Variants in GREB1L observed in about 807,000 individuals in gnomAD.
GREB1L encodes GREB1-like protein.
GREB1L carries 17 observed loss-of-function variants against 200.8 expected under a neutral mutation model. The observed-to-expected ratio is 0.08, with a 90% confidence interval of 0.06 to 0.13. The LOEUF is 0.13. GREB1L is among the 10% of genes least tolerant of loss of function. The probability of loss-of-function intolerance (pLI) is 1.00; values close to 1 mark genes in which losing one functional copy is unlikely to be tolerated. For synonymous variants in GREB1L, 789 were observed against 893.0 expected (o/e 0.88, Z 2.08); for missense variants, 1,657 against 2,367.7 (o/e 0.70, Z 6.23).
Position 21,508,036 on chromosome 18 carries a change from A to G in GREB1L, c.4369-82A>G, listed in dbSNP as rs1488564095. On this transcript the variant is annotated intron_variant, in intron 25 of 32. Coordinates refer to ENST00000424526, the MANE Select transcript of GREB1L (RefSeq NM_001142966.3). Reference sequence around the variant, plus strand: ...AGTTCATGTTAGTTTCCATCTCTTAATAACAACCTGAAGGAGTGGCCTGGA... The same window carrying G: ...AGTTCATGTTAGTTTCCATCTCTTAGTAACAACCTGAAGGAGTGGCCTGGA... The G allele has an allele frequency of 6.0e-6, 8 of 1,341,756 alleles. No individual in the cohort carries two copies. In the East Asian group the frequency reaches 1.5e-4, roughly 25 times the overall value. 83.1% of individuals were successfully genotyped at this position (1,341,756 alleles called of 1,614,324 possible). A position where few individuals can be genotyped will look rare whatever the true frequency, so the allele number is the denominator to read the frequency against.
At chr18:21,522,428 C>T (rs539590687) in intron 32 of GREB1L, among the ~76,000 whole-genome samples, 5 of 151,662 alleles carry the variant, frequency 3.3e-5, no homozygotes, top group South Asian at 2.1e-4. Flanking sequence ...GAACCGAGAT[C>T]GCACCACTGC....
At chr18:21,415,136 C>T (rs930270588) in intron 7 of GREB1L, among the ~76,000 whole-genome samples, 3 of 152,266 alleles carry the variant, frequency 2.0e-5, no homozygotes, top group East Asian at 3.9e-4. Context: ...GAGAAACCCA[C>T]AGATATCCAA....
intron 6 of GREB1L, 144 bp downstream of exon 6, chr18:21,401,470 T>C: frequency 1.5e-6 from 1 of 656,794 alleles, no homozygotes; most frequent in Non-Finnish European, 2.5e-6. Flanking sequence ...AGCCTTCTGG[T>C]AGGTTATTTG....
intron 23 of GREB1L, among the ~76,000 whole-genome samples, chr18:21,501,564 C>T (rs187117275): frequency 7.9e-5 from 12 of 152,240 alleles, no homozygotes; most frequent in Admixed American, 5.2e-4. Context: ...GACATGAACT[C>T]ATTCTTTTTT....
intron 5 of GREB1L, among the ~76,000 whole-genome samples, chr18:21,397,611 G>C (rs554325011): frequency 6.6e-6 from 1 of 152,096 alleles, no homozygotes; most frequent in Non-Finnish European, 1.5e-5. Flanking sequence ...TGAGGCAGGA[G>C]AATAGCGTGA....
At chr18:21,450,713 C>A in intron 12 of GREB1L, 1 of 210,582 alleles carries the variant, frequency 4.7e-6, no homozygotes. Context: ...TGGTGTTGCT[C>A]ACAGCCCCTG....
intron 30 of GREB1L, 51 bp downstream of exon 30, chr18:21,516,805 G>C: frequency 6.8e-7 from 1 of 1,464,024 alleles, no homozygotes; most frequent in Non-Finnish European, 9.3e-7. Flanking sequence ...CAATGATAAT[G>C]ACTATCTTTG....
intron 17 of GREB1L, among the ~76,000 whole-genome samples, chr18:21,478,277 GT>G (rs2035787818): frequency 6.6e-6 from 1 of 152,138 alleles, no homozygotes; most frequent in African/African-American, 2.4e-5. Flanking sequence ...GGGATTTATA[GT>G]TTTTACTCCA....
intron 6 of GREB1L, among the ~76,000 whole-genome samples, chr18:21,401,625 G>T (rs993693461): frequency 6.6e-6 from 1 of 152,126 alleles, no homozygotes; most frequent in Non-Finnish European, 1.5e-5. Flanking sequence ...AGGACCTCAG[G>T]GTGACAGCTC....
intron 1 of GREB1L, among the ~76,000 whole-genome samples, chr18:21,325,875 G>A (rs1316403639): frequency 6.2e-5 from 9 of 145,852 alleles, no homozygotes; most frequent in Admixed American, 1.4e-4. Flanking sequence ...GTTCACATGC[G>A]CAAAAACATT....
At position 21,268,518 on chromosome 18, in the gene GREB1L, T is replaced by TACAC. The variant is rs1158925252; in HGVS notation, c.-120+26126_-120+26127insCACA. ...ATATATACATATATATATGTATATA[T>TACAC]ATATACACACACACACACACACACA... On this transcript the variant is annotated intron_variant, in intron 1 of 32. Coordinates refer to ENST00000424526, the MANE Select transcript of GREB1L (RefSeq NM_001142966.3). Among the ~76,000 whole-genome samples the TACAC allele has an allele frequency of 1.6e-4, 12 of 77,286 alleles. No homozygotes were observed. In the East Asian group the frequency reaches 2.7e-3, roughly 17 times the overall value. 50.7% of individuals were successfully genotyped at this position (77,286 alleles called of 152,430 possible).
At chr18:21,336,719 C>T (rs994070136) in intron 1 of GREB1L, among the ~76,000 whole-genome samples, 3 of 152,180 alleles carry the variant, frequency 2.0e-5, no homozygotes, top group African/African-American at 7.2e-5. Flanking sequence ...CTGGCATACA[C>T]TAACTTTAGC....
At chr18:21,398,355 T>C (rs2041173954) in intron 5 of GREB1L, among the ~76,000 whole-genome samples, 1 of 152,186 alleles carries the variant, frequency 6.6e-6, no homozygotes, top group Non-Finnish European at 1.5e-5. Context: ...ATGATGTCCT[T>C]AAAGCACCCA....
At chr18:21,322,687 TATAACA>T (rs2038967896) in intron 1 of GREB1L, among the ~76,000 whole-genome samples, 2 of 152,080 alleles carry the variant, frequency 1.3e-5, no homozygotes, top group Non-Finnish European at 2.9e-5. Context: ...CTATGATAAA[TATAACA>T]GTGAACTAAT....
At chr18:21,370,898 T>C (rs1189125920) in intron 2 of GREB1L, among the ~76,000 whole-genome samples, 1 of 151,838 alleles carries the variant, frequency 6.6e-6, no homozygotes, top group African/African-American at 2.4e-5. Flanking sequence ...GCCTGCATGG[T>C]AAAATCCCGT....
At chr18:21,306,077 C>G (rs1042116766) in intron 1 of GREB1L, among the ~76,000 whole-genome samples, 7 of 152,138 alleles carry the variant, frequency 4.6e-5, no homozygotes, top group African/African-American at 1.7e-4. Flanking sequence ...CTAAAATTCT[C>G]ATTGATTTAG....
At chr18:21,444,179 T>C in intron 10 of GREB1L, 45 bp from the exon 11 acceptor site, 1 of 1,405,714 alleles carries the variant, frequency 7.1e-7, no homozygotes, top group South Asian at 1.3e-5. Context: ...GGTTGGACCA[T>C]AAAAAGAAAT....
intron 1 of GREB1L, among the ~76,000 whole-genome samples, chr18:21,264,554 TACA>T (rs1347286958): frequency 4.6e-5 from 7 of 152,162 alleles, no homozygotes; most frequent in Middle Eastern, 3.2e-3. Context: ...AGTTAAAAGC[TACA>T]ACAACAACAA....
chr18:21,395,443 C>T lies in GREB1L; in HGVS notation c.414C>T (p.Asp138=). The change falls in exon 5 of 33, where the codon GAC becomes GAT. Residue 138 remains aspartate (D), a synonymous_variant. Transcript: ENST00000424526. The part of the protein sequence containing the change: ...RLVSLCMEQI[D]IPAGFLLVGA... ...TATCACTGTGTATGGAACAAATTGACATCCCAGCAGGATTCCTCCTGGTGG... is the reference window on the plus strand; with the variant it reads ...TATCACTGTGTATGGAACAAATTGATATCCCAGCAGGATTCCTCCTGGTGG... The T allele has an allele frequency of 6.4e-7, 1 of 1,551,024 alleles. No homozygotes were observed. Among genetic ancestry groups the T allele is most frequent in the Non-Finnish European group, 8.7e-7 (1 of 1,146,612 alleles).
Sources: allele counts gnomAD v4.1 joint callset (sites outside exome capture counted in the v4.1 genomes callset), GRCh38; gene constraint gnomAD v4.1.1; transcripts MANE v1.5; gene names NCBI Gene and HGNC (gene_info 2026-07-23, HGNC 2026-07-21).